CNTN4: variants seen among roughly 807,000 people sequenced by gnomAD.
CNTN4 encodes contactin 4, also known as contactin-4.
CNTN4 carries 77 observed loss-of-function variants against 122.5 expected under a neutral mutation model. The observed-to-expected ratio is 0.63, with a 90% CI of 0.52 to 0.76. CNTN4 has a LOEUF of 0.76. Among genes scored for constraint, CNTN4 ranks in the 30% least tolerant of loss-of-function variants. CNTN4 has a pLI of 0.00. For synonymous variants in CNTN4, 512 were observed against 447.0 expected (o/e 1.15, Z -1.83); for missense variants, 1,256 against 1,259.1 (o/e 1.00, Z 0.04).
At chr3:3,029,884 A>T (rs1699023285) in intron 15 of CNTN4, among the ~76,000 whole-genome samples, 1 of 152,216 alleles carries the variant, frequency 6.6e-6, no homozygotes. Context: ...ATTAAACATC[A>T]TCCATTACTA....
chr3:2,470,211 A>G (rs756271568), intron 3 of CNTN4, among the ~76,000 whole-genome samples: 45 of 152,054 alleles, frequency 3.0e-4, no homozygotes, highest in Admixed American at 1.3e-3. Context: ...TGAGTAGCTG[A>G]GATTACAGGC....
intron 3 of CNTN4, among the ~76,000 whole-genome samples, chr3:2,455,913 T>C (rs1001644923): frequency 6.6e-6 from 1 of 152,114 alleles, no homozygotes; most frequent in African/African-American, 2.4e-5. Flanking sequence ...GTCAGTTCTC[T>C]CAAAATCAGG....
intron 13 of CNTN4, among the ~76,000 whole-genome samples, chr3:2,959,960 C>G (rs1305508785): frequency 6.6e-6 from 1 of 152,140 alleles, no homozygotes; most frequent in Non-Finnish European, 1.5e-5. Context: ...ATTTCCTGGA[C>G]TCAATCATAT....
At chr3:2,911,157 A>G (rs890250547) in intron 12 of CNTN4, among the ~76,000 whole-genome samples, 1 of 151,680 alleles carries the variant, frequency 6.6e-6, no homozygotes, top group Non-Finnish European at 1.5e-5. Flanking sequence ...AATCTAAGTG[A>G]TGACAGAAAC....
chr3:2,169,557 CA>C (rs1344066424), intron 2 of CNTN4, among the ~76,000 whole-genome samples: 1 of 151,844 alleles, frequency 6.6e-6, no homozygotes, highest in Non-Finnish European at 1.5e-5. Context: ...CAGGCGCCGC[CA>C]CCACGCCCGG....
chr3:2,295,052 C>T (rs543730465), intron 2 of CNTN4, among the ~76,000 whole-genome samples: 6 of 151,794 alleles, frequency 4.0e-5, no homozygotes, highest in Non-Finnish European at 8.8e-5. Flanking sequence ...GTATATGTGC[C>T]ACATTTTCTT....
intron 2 of CNTN4, among the ~76,000 whole-genome samples, chr3:2,123,862 A>G (rs931793441): frequency 1.3e-5 from 2 of 152,182 alleles, no homozygotes; most frequent in Admixed American, 6.5e-5. Flanking sequence ...CTCTAAGTAA[A>G]ACTGAAATGT....
chr3:2,288,635 C>T (rs1462631985), intron 2 of CNTN4, among the ~76,000 whole-genome samples: 5 of 151,996 alleles, frequency 3.3e-5, no homozygotes, highest in Non-Finnish European at 5.9e-5. Context: ...ACACTGAGAT[C>T]CTTAAACAGT....
intron 1 of CNTN4, chr3:2,099,328 C>T (rs919160372): frequency 5.9e-5 from 9 of 152,516 alleles, no homozygotes; most frequent in Non-Finnish European, 1.2e-4. Flanking sequence ...GAACCGAGAG[C>T]CCGGAATGCT....
intron 3 of CNTN4, among the ~76,000 whole-genome samples, chr3:2,345,212 C>G (rs2044356749): frequency 6.6e-6 from 1 of 152,122 alleles, no homozygotes; most frequent in Non-Finnish European, 1.5e-5. Flanking sequence ...AGAAAATAAG[C>G]CATTGCCTGA....
intron 3 of CNTN4, among the ~76,000 whole-genome samples, chr3:2,499,196 T>C (rs2076531070): frequency 6.6e-6 from 1 of 152,218 alleles, no homozygotes; most frequent in African/African-American, 2.4e-5. Context: ...TTTAAGTCCA[T>C]GATCTATTTT....
intron 2 of CNTN4, among the ~76,000 whole-genome samples, chr3:2,319,075 T>A (rs1392415806): frequency 6.6e-6 from 1 of 152,178 alleles, no homozygotes. Flanking sequence ...TTACTACTAT[T>A]TAGAATTTTG....
At chr3:2,449,094 A>G (rs1036931160) in intron 3 of CNTN4, among the ~76,000 whole-genome samples, 12 of 152,372 alleles carry the variant, frequency 7.9e-5, no homozygotes, top group Admixed American at 2.0e-4. Context: ...ATGCTAAGAT[A>G]TAAGGAAAAC....
chr3:2,713,539 A>G (rs973127775), intron 4 of CNTN4, among the ~76,000 whole-genome samples: 6 of 152,116 alleles, frequency 3.9e-5, no homozygotes, highest in African/African-American at 1.4e-4. Context: ...TCCTCTGGAT[A>G]TAGGGAGGAC....
intron 3 of CNTN4, among the ~76,000 whole-genome samples, chr3:2,357,256 A>G (rs1165697508): frequency 6.6e-6 from 1 of 152,232 alleles, no homozygotes; most frequent in Non-Finnish European, 1.5e-5. Flanking sequence ...CAGAATAGAA[A>G]TTAATAGTCT....
chr3:2,447,043 A>C (rs1027271767), intron 3 of CNTN4, among the ~76,000 whole-genome samples: 1 of 152,212 alleles, frequency 6.6e-6, no homozygotes, highest in Non-Finnish European at 1.5e-5. Context: ...CTTTCAATTT[A>C]AGAAAAAATT....
At chr3:2,325,679 G>A (rs531833846) in intron 2 of CNTN4, among the ~76,000 whole-genome samples, 37 of 152,140 alleles carry the variant, frequency 2.4e-4, no homozygotes, top group Admixed American at 3.3e-4. Context: ...ACTTACCAGC[G>A]GTCACTACAC....
Position 2,630,015 on chromosome 3 carries a change from C to T in CNTN4, c.55+58457C>T, listed in dbSNP as rs186442265. Among the ~76,000 whole-genome samples the T allele has an allele frequency of 2.3e-4, 35 of 152,282 alleles. No homozygotes were observed. The East Asian group carries it at 6.8e-3, about 29-fold the overall frequency. The stretch of plus-strand genomic sequence containing the variant: ...ACCCTGAGCCGAATCTGCCTCTCTA[C>T]CTGCTTTTGTAAATGAAGTTTCATT... On this transcript the variant is annotated intron_variant, in intron 4 of 24. Coordinates refer to ENST00000418658, the MANE Select transcript of CNTN4 (RefSeq NM_175607.3).
intron 2 of CNTN4, among the ~76,000 whole-genome samples, chr3:2,318,454 T>G (rs540725398): frequency 6.6e-6 from 1 of 152,294 alleles, no homozygotes; most frequent in South Asian, 2.1e-4. Flanking sequence ...TTCCTTTCTC[T>G]TGAATGAAAT....
Sources: gnomAD v4.1 joint callset for allele counts (sites outside exome capture counted in the v4.1 genomes callset) on GRCh38, gnomAD v4.1.1 for gene constraint, MANE v1.5 for transcripts, NCBI Gene and HGNC (gene_info 2026-07-23, HGNC 2026-07-21) for gene names.